The following ATF7IP variants were observed in gnomAD, a reference collection of about 807,000 sequenced individuals.
The protein encoded by ATF7IP is activating transcription factor 7-interacting protein 1.
Under a neutral mutation model 106.4 loss-of-function variants are expected in ATF7IP, and 23 were observed. The ratio of observed to expected loss-of-function variants is 0.22; its 90% CI spans 0.16 to 0.31. The LOEUF is 0.31. ATF7IP is among the 10% of genes least tolerant of loss of function. The pLI is 1.00. For synonymous variants in ATF7IP, 542 were observed against 539.0 expected (o/e 1.01, Z -0.08); for missense variants, 1,334 against 1,524.3 (o/e 0.88, Z 2.08).
chr12:14,480,115 CG>C (rs1336916442), intron 12 of ATF7IP, among the ~76,000 whole-genome samples: 1 of 151,950 alleles, frequency 6.6e-6, no homozygotes, highest in Non-Finnish European at 1.5e-5. Context: ...GTAAAGAAAC[CG>C]TTTTATCTTT....
intron 1 of ATF7IP, among the ~76,000 whole-genome samples, chr12:14,399,162 T>C (rs762672132): frequency 5.3e-5 from 8 of 152,124 alleles, no homozygotes; most frequent in African/African-American, 9.7e-5. Context: ...TCTTCATAGG[T>C]TCTTCTGCTG....
intron 13 of ATF7IP, among the ~76,000 whole-genome samples, chr12:14,489,715 G>C (rs1043944966): frequency 6.6e-6 from 1 of 152,152 alleles, no homozygotes; most frequent in Non-Finnish European, 1.5e-5. Context: ...TGTAAATCCA[G>C]CTGCTTCAGG....
In ATF7IP at chr12:14,478,403, C is replaced by T; in HGVS notation, c.3028C>T (p.Pro1010Ser). The change falls in exon 12 of 15, where the codon CCG becomes TCG. Residue 1010 changes from proline to serine, a missense_variant. This residue lies in a region of ATF7IP where 370 missense variants were observed against 401.2 expected (regional missense o/e 0.92). Coordinates refer to ENST00000261168, the MANE Select transcript of ATF7IP (RefSeq NM_018179.5). Reference protein sequence around the residue: ...SRPLQPIQPAPPLQPSGVPTS... With the variant: ...SRPLQPIQPASPLQPSGVPTS... ...ACCATTGCAACCCATACAACCAGCA[C>T]CGCCTCTTCAACCATCTGGGGTGCC... is the stretch of plus-strand genomic sequence containing the variant. 1 of 1,614,102 alleles carries T rather than the reference C, an allele frequency of 6.2e-7. No homozygotes were observed. Among genetic ancestry groups the T allele is most frequent in the Non-Finnish European group, 8.5e-7 (1 of 1,179,968 alleles).
At chr12:14,416,007 A>G (rs963175616) in intron 1 of ATF7IP, among the ~76,000 whole-genome samples, 15 of 152,184 alleles carry the variant, frequency 9.9e-5, no homozygotes. Flanking sequence ...TCTTTATACT[A>G]AATTTGAGCA....
At chr12:14,406,267 TGC>T (rs2136481487) in intron 1 of ATF7IP, among the ~76,000 whole-genome samples, 1 of 152,142 alleles carries the variant, frequency 6.6e-6, no homozygotes, top group East Asian at 1.9e-4. Flanking sequence ...CCTGGCTGAT[TGC>T]TGTATTTTTA....
At chr12:14,387,200 T>C (rs1472375746) in intron 1 of ATF7IP, among the ~76,000 whole-genome samples, 2 of 152,148 alleles carry the variant, frequency 1.3e-5, no homozygotes, top group Non-Finnish European at 2.9e-5. Context: ...TCATATGAAC[T>C]GTACCTAAAA....
chr12:14,492,843 G>C (rs748604482), intron 13 of ATF7IP, among the ~76,000 whole-genome samples: 3 of 151,928 alleles, frequency 2.0e-5, no homozygotes, highest in Non-Finnish European at 4.4e-5. Flanking sequence ...CCCGCTGTTA[G>C]ATCTGACATA....
At chr12:14,441,742 G>A (rs1350099560) in intron 5 of ATF7IP, among the ~76,000 whole-genome samples, 2 of 152,034 alleles carry the variant, frequency 1.3e-5, no homozygotes, top group African/African-American at 4.8e-5. Context: ...GCCCACCTCG[G>A]CCTCCCAAAG....
chr12:14,461,142 C>A lies in ATF7IP; in HGVS notation c.2797+9C>A, dbSNP rs1943623936. ...TACCACCCCAAGAATTGGTAAGTCA[C>A]CATGTAGGTTTAATACTAGAAATGC... On this transcript the variant is annotated intron_variant, in intron 9 of 14. Transcript: ENST00000261168. 1 of 1,605,678 alleles carries A rather than the reference C, an allele frequency of 6.2e-7. No individual in the cohort carries two copies. The highest frequency in any genetic ancestry group is 8.5e-7 in the Non-Finnish European group (1 of 1,174,754).
At chr12:14,411,808 T>C (rs1039721040) in intron 1 of ATF7IP, among the ~76,000 whole-genome samples, 5 of 152,080 alleles carry the variant, frequency 3.3e-5, no homozygotes, top group African/African-American at 9.7e-5. Flanking sequence ...TTTTTTTTTT[T>C]CCTTCTTCTT....
chr12:14,468,229 C>G (rs917213557), intron 10 of ATF7IP, among the ~76,000 whole-genome samples: 1 of 147,974 alleles, frequency 6.8e-6, no homozygotes, highest in Non-Finnish European at 1.5e-5. Flanking sequence ...GATCATACCA[C>G]TTTACTCCAG....
chr12:14,495,962 G>A (rs1280311794), intron 13 of ATF7IP, among the ~76,000 whole-genome samples: 1 of 151,906 alleles, frequency 6.6e-6, no homozygotes, highest in Non-Finnish European at 1.5e-5. Context: ...ATTTTCTCAC[G>A]TACTGGTGGC....
intron 10 of ATF7IP, among the ~76,000 whole-genome samples, chr12:14,473,520 A>G (rs1331040929): frequency 6.6e-6 from 1 of 150,914 alleles, no homozygotes; most frequent in Non-Finnish European, 1.5e-5. Flanking sequence ...AGATCTCTAA[A>G]TATATTGTTT....
intron 1 of ATF7IP, among the ~76,000 whole-genome samples, chr12:14,389,875 C>T (rs1219159073): frequency 2.6e-5 from 4 of 152,186 alleles, no homozygotes; most frequent in East Asian, 1.9e-4. Context: ...CCGCCCGCCT[C>T]GGCCTCCCAA....
intron 1 of ATF7IP, among the ~76,000 whole-genome samples, chr12:14,403,999 G>A (rs868714125): frequency 1.4e-4 from 21 of 151,940 alleles, no homozygotes; most frequent in Admixed American, 8.5e-4. Context: ...TTTTTCCCCC[G>A]TCTCACTTGA....
intron 2 of ATF7IP, among the ~76,000 whole-genome samples, chr12:14,426,687 G>A (rs2136564037): frequency 6.6e-6 from 1 of 151,364 alleles, no homozygotes; most frequent in East Asian, 1.9e-4. Flanking sequence ...TTAGCCAGGC[G>A]TGGTGGCACT....
At chr12:14,423,861 G>A in intron 1 of ATF7IP, 48 bp from the exon 2 acceptor site, 2 of 1,520,868 alleles carry the variant, frequency 1.3e-6, no homozygotes, top group Non-Finnish European at 1.8e-6. Flanking sequence ...CTACAATTAG[G>A]TGGCTTCTGT....
At chr12:14,462,664 A>G (rs1389828460) in intron 9 of ATF7IP, among the ~76,000 whole-genome samples, 1 of 152,146 alleles carries the variant, frequency 6.6e-6, no homozygotes, top group East Asian at 1.9e-4. Flanking sequence ...TATAGAAAGG[A>G]TATATTCCCC....
In ATF7IP at chr12:14,424,573, A is replaced by G. The variant is rs138811977; in HGVS notation, c.658A>G (p.Ile220Val). Residue 220 changes from isoleucine to valine, a missense_variant, in exon 2 of 15, where the codon ATT (isoleucine) becomes GTT (valine). By Grantham distance (29) the Ile-to-Val change is conservative. Transcript: ENST00000261168. Reference protein sequence around the residue: ...IPGEPVPVEPISGDCAADDIA... With the variant: ...IPGEPVPVEPVSGDCAADDIA... Reference sequence around the variant, plus strand: ...AGGTGAACCGGTCCCTGTTGAACCCATTTCTGGTGATTGTGCCGCTGATGA... The same window carrying G: ...AGGTGAACCGGTCCCTGTTGAACCCGTTTCTGGTGATTGTGCCGCTGATGA... 9.9e-5 allele frequency: 160 copies of G among 1,613,984 alleles called. No homozygotes were observed. Among genetic ancestry groups the G allele is most frequent in the Middle Eastern group, 8.2e-4 (5 of 6,062 alleles).
Sources: gnomAD v4.1 joint callset for allele counts (sites outside exome capture counted in the v4.1 genomes callset) on GRCh38, gnomAD v4.1.1 for gene constraint, gnomAD v4.1.1 regional missense constraint, MANE v1.5 for transcripts, NCBI Gene and HGNC (gene_info 2026-07-23, HGNC 2026-07-21) for gene names.